PVT1: variants seen among roughly 807,000 people sequenced by gnomAD.
The protein encoded by PVT1 is Pvt1 oncogene.
chr8:127,800,703 A>G (rs1016527207), intron 2 of PVT1, among the ~76,000 whole-genome samples: 5 of 151,604 alleles, frequency 3.3e-5, no homozygotes, highest in African/African-American at 9.7e-5. Context: ...TTTTTCCAGG[A>G]TATATTTGTT....
intron 2 of PVT1, among the ~76,000 whole-genome samples, chr8:127,872,408 G>A (rs569053082): frequency 2.8e-4 from 43 of 152,282 alleles, no homozygotes; most frequent in Admixed American, 4.6e-4. Flanking sequence ...GAGAGTATCC[G>A]TCTCAAATAA....
intron 2 of PVT1, among the ~76,000 whole-genome samples, chr8:127,872,654 T>A (rs1434969426): frequency 6.6e-6 from 1 of 152,204 alleles, no homozygotes; most frequent in Non-Finnish European, 1.5e-5. Flanking sequence ...AAAGTAGAAG[T>A]GACCTTTCCG....
intron 3 of PVT1, among the ~76,000 whole-genome samples, chr8:127,897,364 A>G (rs1815692328): frequency 6.6e-6 from 1 of 152,134 alleles, no homozygotes; most frequent in African/African-American, 2.4e-5. Context: ...AGCATATTTG[A>G]TAAAGTTAGA....
chr8:127,809,469 C>T (rs1018860820), intron 2 of PVT1, among the ~76,000 whole-genome samples: 1 of 152,196 alleles, frequency 6.6e-6, no homozygotes, highest in Admixed American at 6.5e-5. Flanking sequence ...GTTGGAATTA[C>T]AGGAATGAGC....
At chr8:127,908,373 GCT>G (rs1302409158) in intron 3 of PVT1, among the ~76,000 whole-genome samples, 1 of 124,186 alleles carries the variant, frequency 8.1e-6, no homozygotes, top group South Asian at 2.6e-4. Context: ...ATGGAATCTT[GCT>G]CTGTCACCCA....
intron 2 of PVT1, among the ~76,000 whole-genome samples, chr8:127,825,938 A>G (rs990208518): frequency 6.6e-6 from 1 of 150,626 alleles, no homozygotes; most frequent in African/African-American, 2.4e-5. Flanking sequence ...GCAGCCTCAA[A>G]TTCCTGGGCT....
chr8:127,797,381 C>T (rs1049702577), intron 2 of PVT1, among the ~76,000 whole-genome samples: 1 of 152,076 alleles, frequency 6.6e-6, no homozygotes, highest in Non-Finnish European at 1.5e-5. Context: ...TTTGAGGGAT[C>T]AGGACCACAC....
chr8:127,838,983 G>A (rs1031794266), intron 2 of PVT1, among the ~76,000 whole-genome samples: 1 of 152,102 alleles, frequency 6.6e-6, no homozygotes, highest in African/African-American at 2.4e-5. Context: ...AGTTGACTCC[G>A]ATGTTCAGTA....
In PVT1 at chr8:127,945,317, G is replaced by A. The variant is rs574610777; in HGVS notation, n.783-43845G>A. Among the ~76,000 whole-genome samples, 262 of 152,188 alleles carry A rather than the reference G, an allele frequency of 1.7e-3. 1 individual carries two copies. The highest frequency in any genetic ancestry group is 6.0e-3 in the African/African-American group (248 of 41,530). On this transcript the variant is annotated intron_variant and non_coding_transcript_variant, in intron 3 of 10. Coordinates refer to ENST00000651587, the Ensembl canonical transcript of PVT1. The stretch of plus-strand genomic sequence containing the variant: ...TATACCCTGAGGCGACTTCACTGCC[G>A]TGGAGGCTAAGGAACATTTTCTGTT...
At chr8:128,011,779 T>G (rs1167137406) in intron 4 of PVT1, among the ~76,000 whole-genome samples, 1 of 152,240 alleles carries the variant, frequency 6.6e-6, no homozygotes, top group Non-Finnish European at 1.5e-5. Context: ...AATATACTTC[T>G]TGTGGCCCCA....
chr8:128,023,565 C>T (rs1817461865), intron 4 of PVT1, among the ~76,000 whole-genome samples: 1 of 152,194 alleles, frequency 6.6e-6, no homozygotes, highest in African/African-American at 2.4e-5. Context: ...GTGCTACATG[C>T]ATTGCCTGAT....
intron 2 of PVT1, among the ~76,000 whole-genome samples, chr8:127,801,698 G>A (rs1161832118): frequency 1.3e-5 from 2 of 152,160 alleles, no homozygotes; most frequent in Admixed American, 6.5e-5. Context: ...CAGGCTGGCA[G>A]TGGTGGATGG....
At chr8:128,033,514 C>T (rs1201211758) in intron 4 of PVT1, among the ~76,000 whole-genome samples, 1 of 152,204 alleles carries the variant, frequency 6.6e-6, no homozygotes, top group East Asian at 1.9e-4. Context: ...ACAAGCTTCT[C>T]CCTGGGCGGC....
At chr8:127,894,052 A>G (rs1011196656) in intron 3 of PVT1, among the ~76,000 whole-genome samples, 5 of 152,218 alleles carry the variant, frequency 3.3e-5, no homozygotes, top group African/African-American at 9.6e-5. Flanking sequence ...GCCACTTAGA[A>G]GAGCCCTGTT....
intron 4 of PVT1, among the ~76,000 whole-genome samples, chr8:128,044,138 C>T (rs532687176): frequency 7.9e-5 from 12 of 151,482 alleles, no homozygotes; most frequent in South Asian, 2.1e-4. Flanking sequence ...TATGAGTCAC[C>T]GCACCTAGCC....
rs201033359 is a variant in PVT1, at chr8:127,817,379, ATATATC to A, written n.372+21312_372+21317del. Among the ~76,000 whole-genome samples, 191 of 107,134 alleles carry A rather than the reference ATATATC, an allele frequency of 1.8e-3. 2 individuals carry two copies. The highest frequency in any genetic ancestry group is 0.017 in the Admixed American group (178 of 10,262). The allele number at this position is 107,134 out of a possible 152,430, so 70.3% of individuals were successfully genotyped here. On this transcript the variant is annotated intron_variant and non_coding_transcript_variant, in intron 2 of 10. Coordinates refer to ENST00000651587, the Ensembl canonical transcript of PVT1. ...CATATATATATATCTATTTAAATATATATATCTATTTAATATATATTAAATAATATA... is the reference window on the plus strand; with the variant it reads ...CATATATATATATCTATTTAAATATATATTTAATATATATTAAATAATATA...
At chr8:127,866,637 G>T (rs1032497901) in intron 2 of PVT1, among the ~76,000 whole-genome samples, 1 of 152,170 alleles carries the variant, frequency 6.6e-6, no homozygotes, top group Non-Finnish European at 1.5e-5. Context: ...CCTGCTATCT[G>T]GTGGGTTCCA....
In PVT1 at chr8:128,016,123, C is replaced by CA. The variant is rs762672300; in HGVS notation, n.912+26837dup. Among the ~76,000 whole-genome samples, 165 of 152,116 alleles carry CA rather than the reference C, an allele frequency of 1.1e-3. 2 individuals carry two copies. Among genetic ancestry groups the CA allele is most frequent in the South Asian group, 6.2e-4 (3 of 4,808 alleles). On this transcript the variant is annotated intron_variant and non_coding_transcript_variant, in intron 4 of 10. Transcript: ENST00000651587. ...CGAAACCCTGTCTCTATAAAAAATA[C>CA]AAAAATTAGCCACGTGTGGTGGCAC... is the stretch of plus-strand genomic sequence containing the variant.
At chr8:127,888,074 G>C (rs1219541233) in intron 2 of PVT1, among the ~76,000 whole-genome samples, 2 of 149,606 alleles carry the variant, frequency 1.3e-5, no homozygotes, top group East Asian at 2.0e-4. Flanking sequence ...CTGAGTAGCT[G>C]TGATTACAGG....
Sources: gnomAD v4.1 joint callset for allele counts (sites outside exome capture counted in the v4.1 genomes callset) on GRCh38, gnomAD v4.1.1 for gene constraint, MANE v1.5 for transcripts, NCBI Gene and HGNC (gene_info 2026-07-23, HGNC 2026-07-21) for gene names.